FRMD5: variants seen among roughly 807,000 people sequenced by gnomAD.
FRMD5 encodes FERM domain-containing protein 5.
Under a neutral mutation model 69.0 loss-of-function variants are expected in FRMD5, and 20 were observed. The ratio of observed to expected loss-of-function variants is 0.29; its 90% CI spans 0.20 to 0.42. FRMD5 has a LOEUF of 0.42. FRMD5 is among the 10% of genes least tolerant of loss of function. The pLI is 1.00. For synonymous variants in FRMD5, 271 were observed against 260.1 expected (o/e 1.04, Z -0.40); for missense variants, 595 against 708.6 (o/e 0.84, Z 1.82).
At chr15:43,988,961 A>C in intron 1 of FRMD5, 1 of 629,452 alleles carries the variant, frequency 1.6e-6, no homozygotes, top group Non-Finnish European at 3.0e-6. Context: ...AACAAAACAA[A>C]ACAAAATAAA....
chr15:44,043,858 G>C (rs1195133977), intron 1 of FRMD5, among the ~76,000 whole-genome samples: 1 of 152,132 alleles, frequency 6.6e-6, no homozygotes, highest in Admixed American at 6.5e-5. Context: ...TCAGGACATA[G>C]GAGTGGGCAA....
At chr15:43,875,977 T>G (rs1002110828) in intron 13 of FRMD5, 8 of 1,385,620 alleles carry the variant, frequency 5.8e-6, no homozygotes, top group Non-Finnish European at 8.2e-6. Flanking sequence ...GGTCCCACCA[T>G]GGACCCTCTG....
At chr15:43,945,296 A>G (rs1310807710) in intron 1 of FRMD5, among the ~76,000 whole-genome samples, 1 of 152,160 alleles carries the variant, frequency 6.6e-6, no homozygotes, top group Non-Finnish European at 1.5e-5. Context: ...AGTTGGTTCA[A>G]TAGGAAGTGC....
intron 1 of FRMD5, among the ~76,000 whole-genome samples, chr15:44,148,902 G>A (rs2077400627): frequency 6.6e-6 from 1 of 152,078 alleles, no homozygotes; most frequent in Non-Finnish European, 1.5e-5. Flanking sequence ...ATAAAAGCTA[G>A]TATTATTGTA....
At chr15:44,189,609 C>T (rs2078160684) in intron 1 of FRMD5, among the ~76,000 whole-genome samples, 2 of 151,964 alleles carry the variant, frequency 1.3e-5, no homozygotes, top group Admixed American at 1.3e-4. Flanking sequence ...CTGCCTCAGC[C>T]TCCCGAGCAG....
At chr15:44,021,066 T>C (rs1048248393) in intron 1 of FRMD5, among the ~76,000 whole-genome samples, 1 of 152,134 alleles carries the variant, frequency 6.6e-6, no homozygotes, top group Non-Finnish European at 1.5e-5. Flanking sequence ...AGGCAGCTCA[T>C]TTGAGTCCAA....
At chr15:43,902,138 A>G (rs1162289869) in intron 7 of FRMD5, 37 bp downstream of exon 7, 1 of 1,491,880 alleles carries the variant, frequency 6.7e-7, no homozygotes, top group South Asian at 1.1e-5. Flanking sequence ...CTTCTAGAGG[A>G]GGAAAGGTCA....
intron 1 of FRMD5, among the ~76,000 whole-genome samples, chr15:43,972,341 T>C (rs979664825): frequency 6.6e-6 from 1 of 152,126 alleles, no homozygotes; most frequent in Non-Finnish European, 1.5e-5. Flanking sequence ...GTTATTCTCC[T>C]TTGGGTTAAA....
At chr15:44,140,226 C>A (rs1231575946) in intron 1 of FRMD5, among the ~76,000 whole-genome samples, 1 of 151,970 alleles carries the variant, frequency 6.6e-6, no homozygotes, top group African/African-American at 2.4e-5. Flanking sequence ...ATATACTAAT[C>A]ACATTATGCA....
intron 1 of FRMD5, among the ~76,000 whole-genome samples, chr15:44,162,215 C>A (rs898323018): frequency 6.6e-6 from 1 of 150,760 alleles, no homozygotes; most frequent in African/African-American, 2.4e-5. Context: ...CCACTCGCCT[C>A]AGCCTCCCAA....
At chr15:43,875,348 C>CAAAAA (rs1202161221) in intron 13 of FRMD5, among the ~76,000 whole-genome samples, 151 of 46,764 alleles carry the variant, frequency 3.2e-3, no homozygotes, top group Middle Eastern at 0.012. Context: ...AAGACTGTCT[C>CAAAAA]AAAAAAAAAA....
intron 1 of FRMD5, among the ~76,000 whole-genome samples, chr15:43,996,295 C>A (rs1889922051): frequency 6.6e-6 from 1 of 152,116 alleles, no homozygotes; most frequent in South Asian, 2.1e-4. Flanking sequence ...GACCATGGGG[C>A]CTACCCAGTG....
At chr15:44,025,897 C>T (rs942921674) in intron 1 of FRMD5, among the ~76,000 whole-genome samples, 1 of 152,260 alleles carries the variant, frequency 6.6e-6, no homozygotes, top group Non-Finnish European at 1.5e-5. Flanking sequence ...AGGAAAATCA[C>T]ACCTTTTCTC....
At chr15:43,977,983 T>C (rs1460192004) in intron 1 of FRMD5, among the ~76,000 whole-genome samples, 3 of 152,028 alleles carry the variant, frequency 2.0e-5, no homozygotes, top group Non-Finnish European at 4.4e-5. Context: ...CCTGCCAGCA[T>C]ATCCCCAACC....
intron 1 of FRMD5, among the ~76,000 whole-genome samples, chr15:44,016,839 A>AT (rs35670937): frequency 0.89 from 131,958 of 147,492 alleles, 59,499 homozygotes; most frequent in East Asian, 0.99. Flanking sequence ...AGTTCACATA[A>AT]TTTTTTTTTT....
intron 1 of FRMD5, among the ~76,000 whole-genome samples, chr15:44,166,884 G>C (rs548337214): frequency 1.1e-4 from 17 of 151,262 alleles, no homozygotes; most frequent in South Asian, 6.3e-4. Context: ...TGCTTATTAA[G>C]GTCTATCCAA....
At chr15:44,069,394 T>G (rs1224722465) in intron 1 of FRMD5, among the ~76,000 whole-genome samples, 2 of 152,192 alleles carry the variant, frequency 1.3e-5, no homozygotes, top group Admixed American at 1.3e-4. Context: ...ATAACAGCTT[T>G]ATTCATAATA....
chr15:44,073,737 C>CATAAGG (rs1164836874), intron 1 of FRMD5, among the ~76,000 whole-genome samples: 1 of 152,124 alleles, frequency 6.6e-6, no homozygotes, highest in East Asian at 1.9e-4. Flanking sequence ...CTCCTGGGGC[C>CATAAGG]ATAAGGAGGG....
intron 1 of FRMD5, among the ~76,000 whole-genome samples, chr15:44,037,413 G>A (rs1891967198): frequency 6.6e-6 from 1 of 151,478 alleles, no homozygotes; most frequent in Non-Finnish European, 1.5e-5. Context: ...TTGGTTCCAA[G>A]TCTTTGCTAT....
Sources: gnomAD v4.1 joint callset for allele counts (sites outside exome capture counted in the v4.1 genomes callset) on GRCh38, gnomAD v4.1.1 for gene constraint, MANE v1.5 for transcripts, NCBI Gene and HGNC (gene_info 2026-07-23, HGNC 2026-07-21) for gene names.